The following PARVG variants were observed in gnomAD, a reference collection of about 807,000 sequenced individuals.
PARVG encodes parvin gamma.
PARVG carries 36 observed loss-of-function variants against 44.4 expected under a neutral mutation model. The observed-to-expected ratio is 0.81, with a 90% CI of 0.62 to 1.07. The LOEUF (loss-of-function observed/expected upper bound fraction) is 1.07, where lower values mean the gene tolerates loss of function less well. Ranked by LOEUF, PARVG falls within the 50% of genes least tolerant of loss-of-function variation. The probability of loss-of-function intolerance (pLI) is 0.00; values close to 1 mark genes in which losing one functional copy is unlikely to be tolerated. For missense variants in PARVG, 407 were observed against 407.4 expected, an observed-to-expected ratio of 1.00 and a Z score of 0.01; for synonymous variants, 170 against 174.1, an observed-to-expected ratio of 0.98 and a Z score of 0.19.
chr22:44,181,775 G>A lies in PARVG; in HGVS notation c.-155G>A, dbSNP rs1416030510. The A allele has an allele frequency of 5.1e-6, 5 of 985,308 alleles. No individual in the cohort carries two copies. The highest frequency in any genetic ancestry group is 3.5e-5 in the African/African-American group (2 of 57,208). 61.0% of individuals were successfully genotyped at this position (985,308 alleles called of 1,614,324 possible). A position where few individuals can be genotyped will look rare whatever the true frequency, so the allele number is the denominator to read the frequency against. The stretch of plus-strand genomic sequence containing the variant: ...AAGCTCCTGCCGGCTGAGCGGGCCT[G>A]GAGGAAGTGAGCAGCGGGGCTCCTG... On this transcript the variant is annotated 5_prime_UTR_variant, in exon 2 of 14. Coordinates refer to ENST00000444313, the MANE Select transcript of PARVG (RefSeq NM_022141.7).
intron 9 of PARVG, 101 bp downstream of exon 9, chr22:44,193,924 C>T (rs2147231202): frequency 2.1e-6 from 3 of 1,430,422 alleles, no homozygotes; most frequent in South Asian, 1.2e-5. Flanking sequence ...CTCTCATTTC[C>T]CTGTCACTTG....
chr22:44,198,847 T>C, intron 12 of PARVG, 125 bp downstream of exon 12: 1 of 715,540 alleles, frequency 1.4e-6, no homozygotes, highest in Admixed American at 2.4e-5. Context: ...CTTATTTGTC[T>C]ATATGTCTGC....
intron 1 of PARVG, among the ~76,000 whole-genome samples, chr22:44,173,648 G>T (rs900124491): frequency 6.6e-6 from 1 of 152,228 alleles, no homozygotes; most frequent in Non-Finnish European, 1.5e-5. Context: ...GTGACTGCGG[G>T]GAGCGAAGTA....
chr22:44,202,902 C>T (rs553473865), intron 12 of PARVG, among the ~76,000 whole-genome samples: 32 of 152,336 alleles, frequency 2.1e-4, no homozygotes, highest in African/African-American at 6.5e-4. Context: ...GAATCCTTGG[C>T]GTCCTTCCAC....
In PARVG at chr22:44,190,621, C is replaced by CCT; in HGVS notation, c.463_464dup (p.Leu156ProfsTer20). 1 of 1,614,198 alleles carries CCT rather than the reference C, an allele frequency of 6.2e-7. No individual in the cohort carries two copies. On this transcript the variant is annotated frameshift_variant, in exon 7 of 14. Coordinates refer to ENST00000444313, the MANE Select transcript of PARVG (RefSeq NM_022141.7). LOFTEE classifies it high-confidence loss of function. ...CCCTGGCCAAGCGCTTCCAGCCCGA[C>CCT]CTCTCCCTCCCAACCAACGTCCAGG...
chr22:44,181,516 C>T lies in PARVG; in HGVS notation c.-188-226C>T, dbSNP rs1488030431. 1.1e-5 allele frequency: 7 copies of T among 650,218 alleles called. No homozygotes were observed. The East Asian group carries it at 5.5e-4, about 51-fold the overall frequency. The allele number at this position is 650,218 out of a possible 1,614,324, so 40.3% of individuals were successfully genotyped here. On this transcript the variant is annotated intron_variant, in intron 1 of 13. Coordinates refer to ENST00000444313, the MANE Select transcript of PARVG (RefSeq NM_022141.7). ...GGGTTGCGGGGGTCGACCCCAGGCT[C>T]TGGCCTATGTAGCTGCCATTTTGGA...
At position 44,206,232 on chromosome 22, in the gene PARVG, A is replaced by G. The variant is rs2054779065; in HGVS notation, c.887-85A>G. The G allele has an allele frequency of 1.0e-5, 10 of 979,832 alleles. No individual in the cohort carries two copies. The South Asian group carries it at 1.3e-4, about 12-fold the overall frequency. The allele number at this position is 979,832 out of a possible 1,614,324, so 60.7% of individuals were successfully genotyped here. On this transcript the variant is annotated intron_variant, in intron 13 of 13. Transcript: ENST00000444313. ...CCTGGGATTAGCACTGAAATCCTGAATGCCAGGAAACCTTGACCACATCGG... is the reference window on the plus strand; with the variant it reads ...CCTGGGATTAGCACTGAAATCCTGAGTGCCAGGAAACCTTGACCACATCGG...
At chr22:44,188,815 G>C in intron 5 of PARVG, 1 of 439,792 alleles carries the variant, frequency 2.3e-6, no homozygotes, top group African/African-American at 2.0e-5. Context: ...AGGGGCTGCA[G>C]GCACAGGCTG....
intron 11 of PARVG, among the ~76,000 whole-genome samples, chr22:44,198,387 G>A (rs2054646047): frequency 6.6e-6 from 1 of 152,102 alleles, no homozygotes; most frequent in African/African-American, 2.4e-5. Context: ...AGGCTTTTCT[G>A]CAGTAAGTTT....
rs372041452 is a variant in PARVG, at chr22:44,185,929, C to T, written c.144+57C>T. On this transcript the variant is annotated intron_variant, in intron 4 of 13. Coordinates refer to ENST00000444313, the MANE Select transcript of PARVG (RefSeq NM_022141.7). ...GGGTGCCTCTTGGCAGACCAGGCAG[C>T]GGCCTCCACGGGGCGGGGACAGCAG... 60 of 1,527,598 alleles carry T rather than the reference C, an allele frequency of 3.9e-5. 1 individual carries two copies. In the South Asian group the frequency reaches 4.1e-4, roughly 10 times the overall value. The allele number at this position is 1,527,598 out of a possible 1,614,324, so 94.6% of individuals were successfully genotyped here.
At chr22:44,185,918 A>C (rs1320639821) in intron 4 of PARVG, 46 bp downstream of exon 4, 1 of 1,565,788 alleles carries the variant, frequency 6.4e-7, no homozygotes. Flanking sequence ...GCCTCTTGGC[A>C]GACCAGGCAG....
At chr22:44,173,154 A>T in exon 1 of PARVG, 2 of 1,284,006 alleles carry the variant, frequency 1.6e-6, no homozygotes, top group Non-Finnish European at 2.0e-6. Flanking sequence ...TTCTGCTGGG[A>T]CCACAAGGAG....
intron 4 of PARVG, chr22:44,187,116 A>G: frequency 5.3e-6 from 1 of 187,596 alleles, no homozygotes. Flanking sequence ...GTAACATGTG[A>G]CCACAGACTG....
intron 1 of PARVG, among the ~76,000 whole-genome samples, chr22:44,174,165 G>A (rs2054296624): frequency 6.6e-6 from 1 of 151,930 alleles, no homozygotes; most frequent in African/African-American, 2.4e-5. Flanking sequence ...CCTTGAGCTG[G>A]TGGAGTGAGA....
chr22:44,181,528 G>A (rs916763679), intron 1 of PARVG: 11 of 605,030 alleles, frequency 1.8e-5, no homozygotes, highest in Non-Finnish European at 2.3e-5. Flanking sequence ...GGCCTATGTA[G>A]CTGCCATTTT....
In PARVG at chr22:44,192,648, G is replaced by GA. The variant is rs890207011; in HGVS notation, c.560+544_560+545insA. On this transcript the variant is annotated intron_variant, in intron 8 of 13. Coordinates refer to ENST00000444313, the MANE Select transcript of PARVG (RefSeq NM_022141.7). ...TGGCCATCCTACCTCCTGCCCACTG[G>GA]GCATGGCCACCTGCTCCCCACCTAC... Among the ~76,000 whole-genome samples the GA allele has an allele frequency of 2.5e-4, 38 of 150,090 alleles. 2 individuals are homozygous for GA. Among genetic ancestry groups the GA allele is most frequent in the African/African-American group, 9.3e-4 (38 of 40,738 alleles).
intron 6 of PARVG, among the ~76,000 whole-genome samples, chr22:44,190,140 C>T (rs1030828835): frequency 5.9e-5 from 9 of 152,168 alleles, no homozygotes; most frequent in Non-Finnish European, 8.8e-5. Flanking sequence ...GGGTCCCATG[C>T]GCCTGCATTC....
Position 44,187,679 on chromosome 22 carries a change from T to C in PARVG, c.145-97T>C, listed in dbSNP as rs187254864. 2.1e-3 allele frequency: 2,276 copies of C among 1,085,912 alleles called. 49 individuals are homozygous for C. The South Asian group carries it at 0.025, about 12-fold the overall frequency. 67.3% of individuals were successfully genotyped at this position (1,085,912 alleles called of 1,614,324 possible). A position where few individuals can be genotyped will look rare whatever the true frequency, so the allele number is the denominator to read the frequency against. ...ATTTGACCAGGCCTTGAAAGATGGG[T>C]AGGAGTTGGCAGGCGAGAGGCAGGC... On this transcript the variant is annotated intron_variant, in intron 4 of 13. Coordinates refer to ENST00000444313, the MANE Select transcript of PARVG (RefSeq NM_022141.7).
At position 44,183,378 on chromosome 22, in the gene PARVG, G is replaced by A; in HGVS notation, c.49G>A (p.Glu17Lys). 1 of 1,609,136 alleles carries A rather than the reference G, an allele frequency of 6.2e-7. No individual in the cohort carries two copies. ...CCTGCTGCAGCTCCCCAAGGGGGTG[G>A]AGCCCCCAGCGGAGGAGGAGCTCTC... ...YDLLQLPKGV[E>K]PPAEEELSKG... The change falls in exon 3 of 14, where the codon GAG becomes AAG. Residue 17 changes from glutamate to lysine, a missense_variant. Transcript: ENST00000444313.
Sources: gnomAD v4.1 joint callset for allele counts (sites outside exome capture counted in the v4.1 genomes callset) on GRCh38, gnomAD v4.1.1 for gene constraint, MANE v1.5 for transcripts, NCBI Gene and HGNC (gene_info 2026-07-23, HGNC 2026-07-21) for gene names.